The following USH2A variants were observed in gnomAD, a reference collection of about 807,000 sequenced individuals.
USH2A encodes usherin.
Under a neutral mutation model 538.9 loss-of-function variants are expected in USH2A, and 443 were observed. That is an observed-to-expected ratio of 0.82 (90% CI 0.76 to 0.89). The LOEUF (loss-of-function observed/expected upper bound fraction) is 0.89. Ranked by LOEUF, USH2A falls within the 40% of genes least tolerant of loss-of-function variation. The pLI, the probability that USH2A is intolerant of heterozygous loss-of-function variation, is 0.00. For synonymous variants in USH2A, 2,413 were observed against 2,273.5 expected, an observed-to-expected ratio of 1.06 and a Z score of -1.75; for missense variants, 6,633 against 6,324.8, an observed-to-expected ratio of 1.05 and a Z score of -1.65.
At chr1:215,787,852 C>T (rs1440193868) in intron 51 of USH2A, among the ~76,000 whole-genome samples, 3 of 151,814 alleles carry the variant, frequency 2.0e-5, no homozygotes, top group East Asian at 3.9e-4. Flanking sequence ...GAGACCAGAC[C>T]GATCAACATG....
intron 30 of USH2A, among the ~76,000 whole-genome samples, chr1:216,060,046 C>A (rs2031120711): frequency 6.6e-6 from 1 of 152,132 alleles, no homozygotes; most frequent in South Asian, 2.1e-4. Flanking sequence ...ATTTTTCTGG[C>A]AGCAAAGCTA....
intron 58 of USH2A, among the ~76,000 whole-genome samples, chr1:215,757,826 G>A (rs1200236801): frequency 1.3e-5 from 2 of 152,116 alleles, no homozygotes; most frequent in Non-Finnish European, 2.9e-5. Flanking sequence ...ACCATAAGTG[G>A]TCACAACCCA....
intron 47 of USH2A, among the ~76,000 whole-genome samples, chr1:215,833,923 C>A (rs1367519807): frequency 6.6e-6 from 1 of 151,926 alleles, no homozygotes; most frequent in Non-Finnish European, 1.5e-5. Flanking sequence ...AAACAAATGC[C>A]AAAGTGCATG....
intron 61 of USH2A, among the ~76,000 whole-genome samples, chr1:215,727,553 C>A (rs1659861190): frequency 6.6e-6 from 1 of 152,008 alleles, no homozygotes; most frequent in South Asian, 2.1e-4. Context: ...ATGGTGAAAA[C>A]CCCTCTCTAT....
chr1:216,370,359 CA>C (rs970778127), intron 3 of USH2A, among the ~76,000 whole-genome samples: 7 of 143,332 alleles, frequency 4.9e-5, no homozygotes, highest in Middle Eastern at 4.1e-3. Flanking sequence ...AGACTCTATC[CA>C]AAAAAAGAAA....
At chr1:215,855,796 C>T (rs1342696801) in intron 44 of USH2A, among the ~76,000 whole-genome samples, 1 of 152,034 alleles carries the variant, frequency 6.6e-6, no homozygotes, top group Non-Finnish European at 1.5e-5. Context: ...TACTAAAAGG[C>T]CATAGTCACA....
chr1:215,784,401 T>C (rs1322458620), intron 52 of USH2A, among the ~76,000 whole-genome samples: 1 of 152,200 alleles, frequency 6.6e-6, no homozygotes, highest in African/African-American at 2.4e-5. Context: ...ATTAAACTAC[T>C]TATTGGTAAT....
Position 215,994,521 on chromosome 1 carries a change from TA to T in USH2A, c.6658-1355del, listed in dbSNP as rs551036331. On this transcript the variant is annotated intron_variant, in intron 34 of 71. Coordinates refer to ENST00000307340, the MANE Select transcript of USH2A (RefSeq NM_206933.4). ...TTAATCTCACTTGCTATTACAAGAC[TA>T]TAGCAATAGCCCATGTCTTCAGGAT... 8.9e-3 allele frequency among the ~76,000 whole-genome samples: 1,350 copies of T among 152,320 alleles called. 14 individuals carry two copies. The highest frequency in any genetic ancestry group is 0.013 in the Non-Finnish European group (852 of 68,018).
intron 58 of USH2A, among the ~76,000 whole-genome samples, chr1:215,744,466 A>G (rs1457617676): frequency 1.3e-5 from 2 of 152,206 alleles, no homozygotes; most frequent in Non-Finnish European, 2.9e-5. Context: ...GGCATTTTCT[A>G]TTACATTGTC....
chr1:216,059,940 T>C (rs955200330), intron 30 of USH2A, among the ~76,000 whole-genome samples: 1 of 152,198 alleles, frequency 6.6e-6, no homozygotes, highest in African/African-American at 2.4e-5. Context: ...CCCCAATTCT[T>C]ACTTTCTTTC....
chr1:215,998,225 TA>T (rs923625567), intron 34 of USH2A, among the ~76,000 whole-genome samples: 1 of 152,098 alleles, frequency 6.6e-6, no homozygotes, highest in Non-Finnish European at 1.5e-5. Flanking sequence ...CTATTAAACT[TA>T]AAAAAGATTA....
chr1:215,712,753 A>G (rs940285914), intron 61 of USH2A, among the ~76,000 whole-genome samples: 1 of 152,174 alleles, frequency 6.6e-6, no homozygotes, highest in African/African-American at 2.4e-5. Flanking sequence ...AATGCAGGGG[A>G]AACAAGAAAA....
At chr1:216,253,151 C>CTTT (rs55786784) in intron 11 of USH2A, among the ~76,000 whole-genome samples, 1 of 138,938 alleles carries the variant, frequency 7.2e-6, no homozygotes, top group Non-Finnish European at 1.6e-5. Context: ...GTTATTTTTT[C>CTTT]TTTTTTTTTT....
intron 60 of USH2A, among the ~76,000 whole-genome samples, chr1:215,731,633 A>T (rs544006404): frequency 6.6e-6 from 1 of 152,322 alleles, no homozygotes; most frequent in African/African-American, 2.4e-5. Context: ...AAAACTAGGA[A>T]CCATATATTT....
intron 57 of USH2A, 27 bp downstream of exon 57, chr1:215,759,633 G>T (rs771311784): frequency 6.2e-7 from 1 of 1,613,326 alleles, no homozygotes; most frequent in Non-Finnish European, 8.5e-7. Context: ...CCTGCTGTAT[G>T]ATTGGTAAAG....
At chr1:216,329,353 A>G (rs1050576920) in intron 4 of USH2A, among the ~76,000 whole-genome samples, 32 of 152,126 alleles carry the variant, frequency 2.1e-4, no homozygotes, top group Admixed American at 6.6e-5. Context: ...CAAAGAGGGA[A>G]TGGTAGAAAG....
intron 30 of USH2A, among the ~76,000 whole-genome samples, chr1:216,050,311 C>A (rs751450887): frequency 6.6e-6 from 1 of 152,096 alleles, no homozygotes; most frequent in Non-Finnish European, 1.5e-5. Context: ...CCTTAGTTTC[C>A]TAGTCTGTAA....
intron 21 of USH2A, among the ~76,000 whole-genome samples, chr1:216,143,574 G>T (rs898732391): frequency 3.9e-5 from 6 of 152,076 alleles, no homozygotes; most frequent in Non-Finnish European, 8.8e-5. Flanking sequence ...GACTCCTACG[G>T]AGTTTTTTAA....
At chr1:215,848,512 A>G (rs1489802804) in intron 44 of USH2A, among the ~76,000 whole-genome samples, 1 of 152,208 alleles carries the variant, frequency 6.6e-6, no homozygotes, top group African/African-American at 2.4e-5. Flanking sequence ...CAATGTCTGG[A>G]TGAGACCCCA....
Sources: gnomAD v4.1 joint callset for allele counts (sites outside exome capture counted in the v4.1 genomes callset) on GRCh38, gnomAD v4.1.1 for gene constraint, MANE v1.5 for transcripts, NCBI Gene and HGNC (gene_info 2026-07-23, HGNC 2026-07-21) for gene names.